Variants in RTTN observed in about 807,000 individuals in gnomAD.
RTTN encodes rotatin.
RTTN carries 182 observed loss-of-function variants against 269.2 expected under a neutral mutation model. That is an observed-to-expected ratio of 0.68 (90% CI 0.60 to 0.76). RTTN has a LOEUF of 0.76. Ranked by LOEUF, RTTN falls within the 30% of genes least tolerant of loss-of-function variation. The pLI, the probability that RTTN is intolerant of heterozygous loss-of-function variation, is 0.00. For missense variants in RTTN, 2,545 were observed against 2,608.6 expected, an observed-to-expected ratio of 0.98 and a Z score of 0.53; for synonymous variants, 1,006 against 963.5, an observed-to-expected ratio of 1.04 and a Z score of -0.82.
At chr18:70,028,864 A>G (rs1448171628) in intron 42 of RTTN, 63 bp from the exon 43 acceptor site, 8 of 1,128,310 alleles carry the variant, frequency 7.1e-6, no homozygotes, top group Non-Finnish European at 1.1e-5. Context: ...TTTTGTGTAT[A>G]GTAATTCCCT....
At chr18:70,064,045 A>T (rs1220043769) in intron 35 of RTTN, among the ~76,000 whole-genome samples, 4 of 150,316 alleles carry the variant, frequency 2.7e-5, no homozygotes, top group Non-Finnish European at 4.4e-5. Flanking sequence ...CATTGAAAGC[A>T]TACTATTTGT....
intron 7 of RTTN, chr18:70,194,716 G>A (rs2061760625): frequency 6.6e-6 from 1 of 152,228 alleles, no homozygotes; most frequent in African/African-American, 2.4e-5. Flanking sequence ...AATACTGTAT[G>A]ATTCCTCTTA....
intron 40 of RTTN, among the ~76,000 whole-genome samples, chr18:70,033,513 G>A (rs1441019724): frequency 6.6e-6 from 1 of 152,146 alleles, no homozygotes; most frequent in Non-Finnish European, 1.5e-5. Flanking sequence ...AAATCAGTAA[G>A]TTCTTTGAAA....
chr18:70,010,228 C>CA (rs1406642447), intron 46 of RTTN, among the ~76,000 whole-genome samples: 1 of 152,280 alleles, frequency 6.6e-6, no homozygotes, highest in Admixed American at 6.5e-5. Flanking sequence ...AACTCTGAGC[C>CA]AAGTGGACCT....
chr18:70,173,667 G>A (rs2145958973), intron 11 of RTTN, among the ~76,000 whole-genome samples: 1 of 152,106 alleles, frequency 6.6e-6, no homozygotes, highest in Middle Eastern at 3.4e-3. Flanking sequence ...CTTTGTTTTG[G>A]TAATAAGTAC....
intron 26 of RTTN, 109 bp downstream of exon 26, chr18:70,121,447 A>T: frequency 1.1e-6 from 1 of 917,516 alleles, no homozygotes; most frequent in Non-Finnish European, 1.6e-6. Flanking sequence ...AGACTACTTT[A>T]CCAAGCATAG....
intron 37 of RTTN, among the ~76,000 whole-genome samples, chr18:70,057,041 A>G (rs906614303): frequency 1.3e-5 from 2 of 152,210 alleles, no homozygotes; most frequent in African/African-American, 4.8e-5. Context: ...CCAGGACAAC[A>G]GCTTCAAAGA....
rs561003392 is a variant in RTTN, at chr18:70,187,128, A to C, written c.1305+980T>G. Reference sequence around the variant, plus strand: ...TTCTTTGTACATAATTTATATTAACAATAATATCCATCAAGAGACTAGGTT... The same window carrying C: ...TTCTTTGTACATAATTTATATTAACCATAATATCCATCAAGAGACTAGGTT... On this transcript the variant is annotated intron_variant, in intron 10 of 48. Coordinates refer to ENST00000640769, the MANE Select transcript of RTTN (RefSeq NM_173630.4). Among the ~76,000 whole-genome samples the C allele has an allele frequency of 7.9e-5, 12 of 152,354 alleles. No homozygotes were observed. In the East Asian group the frequency reaches 2.3e-3, roughly 29 times the overall value.
At chr18:70,130,668 T>C (rs2059975833) in intron 23 of RTTN, 1 of 151,456 alleles carries the variant, frequency 6.6e-6, no homozygotes, top group African/African-American at 2.4e-5. Context: ...TAAGAAGGGA[T>C]GGCTAATGGG....
intron 40 of RTTN, among the ~76,000 whole-genome samples, chr18:70,037,308 C>G (rs764267472): frequency 6.1e-4 from 93 of 152,314 alleles, no homozygotes; most frequent in Admixed American, 1.0e-3. Context: ...CTAAGGGAGG[C>G]CTTACACCAT....
At chr18:70,075,828 G>T (rs753702592) in intron 32 of RTTN, among the ~76,000 whole-genome samples, 11 of 151,932 alleles carry the variant, frequency 7.2e-5, no homozygotes, top group Non-Finnish European at 1.3e-4. Context: ...CTTTAACCAA[G>T]AAATCATATA....
intron 40 of RTTN, among the ~76,000 whole-genome samples, chr18:70,036,884 GA>G (rs1234707435): frequency 1.3e-5 from 2 of 152,208 alleles, no homozygotes; most frequent in African/African-American, 4.8e-5. Context: ...AAGAGGAACT[GA>G]AAAGTGTCGG....
intron 10 of RTTN, among the ~76,000 whole-genome samples, chr18:70,186,079 C>A (rs571651174): frequency 1.4e-5 from 2 of 143,182 alleles, no homozygotes; most frequent in Non-Finnish European, 1.5e-5. Context: ...CCTCTCCCCC[C>A]CAAAAAAAAA....
Position 70,004,031 on chromosome 18 carries a change from G to T in RTTN, c.*120C>A. The stretch of plus-strand genomic sequence containing the variant: ...GTTCTCTCTCTCATGGGAAAGAAGG[G>T]GATCAACACTTTGTAGAGAGGTAGC... On this transcript the variant is annotated 3_prime_UTR_variant, in exon 49 of 49. Transcript: ENST00000640769. 1 of 671,178 alleles carries T rather than the reference G, an allele frequency of 1.5e-6. No homozygotes were observed. The highest frequency in any genetic ancestry group is 2.6e-6 in the Non-Finnish European group (1 of 381,112). The allele number at this position is 671,178 out of a possible 1,614,324, so 41.6% of individuals were successfully genotyped here.
chr18:70,102,912 G>C (rs888737944), intron 28 of RTTN, among the ~76,000 whole-genome samples: 1 of 151,782 alleles, frequency 6.6e-6, no homozygotes. Context: ...CGTCTGGGAA[G>C]TGAGGAGCGC....
Position 70,205,278 on chromosome 18 carries a change from CTT to C in RTTN, c.67_68del (p.Lys23GlufsTer7). Reference protein sequence around the residue: ...QLAEIRERALKSILCKIEHNL... With the variant: ...QLAEIRERALXSILCKIEHNL... ...TGTGCTCAATCTTGCAGAGAATACT[CTT>C]GAGAGCGCGCTCCCTGATCTCGGCC... On this transcript the variant is annotated frameshift_variant, in exon 2 of 49. Transcript: ENST00000640769. LOFTEE classifies it high-confidence loss of function. 2 of 1,614,216 alleles carry C rather than the reference CTT, an allele frequency of 1.2e-6. No homozygotes were observed. Among genetic ancestry groups the C allele is most frequent in the Non-Finnish European group, 1.7e-6 (2 of 1,180,042 alleles).
chr18:70,142,421 C>T (rs988498946), intron 18 of RTTN, 34 bp from the exon 19 acceptor site: 3 of 1,107,856 alleles, frequency 2.7e-6, no homozygotes, highest in Admixed American at 1.9e-5. Context: ...ACCAAAATTA[C>T]ATTTATCTGC....
chr18:70,198,962 G>A (rs1202006615), intron 5 of RTTN, among the ~76,000 whole-genome samples: 3 of 152,104 alleles, frequency 2.0e-5, no homozygotes, highest in East Asian at 3.9e-4. Flanking sequence ...CAAGAGGGGC[G>A]GATCACTTGA....
chr18:70,178,915 G>A lies in RTTN; in HGVS notation c.1306-2070C>T, dbSNP rs1056566365. Among the ~76,000 whole-genome samples, 18 of 152,104 alleles carry A rather than the reference G, an allele frequency of 1.2e-4. 1 individual carries two copies. The highest frequency in any genetic ancestry group is 1.1e-3 in the Admixed American group (17 of 15,290). ...CAGGACATCAACAAAACATGTTATT[G>A]ATATGGACTTATAAATTTTAACTCA... On this transcript the variant is annotated intron_variant, in intron 10 of 48. Coordinates refer to ENST00000640769, the MANE Select transcript of RTTN (RefSeq NM_173630.4).
Sources: allele counts gnomAD v4.1 joint callset (sites outside exome capture counted in the v4.1 genomes callset), GRCh38; gene constraint gnomAD v4.1.1; transcripts MANE v1.5; gene names NCBI Gene and HGNC (gene_info 2026-07-23, HGNC 2026-07-21).